The following KCTD2 variants were observed in gnomAD, a reference collection of about 807,000 sequenced individuals.
The protein encoded by KCTD2 is potassium channel tetramerization domain containing 2, also known as BTB/POZ domain-containing protein KCTD2.
In KCTD2, 18 loss-of-function variants were observed where a neutral mutation model predicts 27.9. The observed-to-expected ratio is 0.64, with a 90% confidence interval of 0.45 to 0.96. The LOEUF (loss-of-function observed/expected upper bound fraction) is 0.96. KCTD2 is among the 40% of genes least tolerant of loss of function. KCTD2 has a pLI of 0.00. For synonymous variants in KCTD2, 175 were observed against 148.4 expected (o/e 1.18, Z -1.30); for missense variants, 280 against 348.0 (o/e 0.80, Z 1.56).
intron 3 of KCTD2, among the ~76,000 whole-genome samples, chr17:75,053,857 G>GTTTTTTTT (rs1567992373): frequency 5.0e-5 from 4 of 79,530 alleles, no homozygotes; most frequent in African/African-American, 3.3e-4. Flanking sequence ...TGTGAACCAT[G>GTTTTTTTT]CTTTTTTTTT....
At chr17:75,062,994 C>T (rs201925883) in intron 5 of KCTD2, 24 bp from the exon 6 acceptor site, 2 of 1,613,742 alleles carry the variant, frequency 1.2e-6, no homozygotes, top group Non-Finnish European at 1.7e-6. Context: ...CAGCCTCAGC[C>T]TCTCCCCCAT....
At position 75,047,507 on chromosome 17, in the gene KCTD2, C is replaced by T; in HGVS notation, c.257C>T (p.Thr86Ile). 1.2e-6 allele frequency: 2 copies of T among 1,610,426 alleles called. No homozygotes were observed. Among genetic ancestry groups the T allele is most frequent in the Non-Finnish European group, 1.7e-6 (2 of 1,179,116 alleles). Residue 86 changes from threonine to isoleucine, a missense_variant, in exon 1 of 6, where the codon ACC becomes ATC. By Grantham distance (89) the Thr-to-Ile change is moderately conservative (BLOSUM62 -1). Coordinates refer to ENST00000322444, the MANE Select transcript of KCTD2 (RefSeq NM_015353.3). ...GTGGGAGGCACCTACTTCGTGACCA[C>T]CAGACAGACCTTAGGCCGGGAGCCC... ...LNVGGTYFVT[T>I]RQTLGREPKS...
Position 75,047,475 on chromosome 17 carries a change from G to T in KCTD2, c.225G>T (p.Arg75Ser). 1 of 1,592,006 alleles carries T rather than the reference G, an allele frequency of 6.3e-7. No individual in the cohort carries two copies. Among genetic ancestry groups the T allele is most frequent in the Non-Finnish European group, 8.5e-7 (1 of 1,171,144 alleles). Residue 75 changes from arginine (R) to serine (S), a missense_variant, in exon 1 of 6, where the codon AGG becomes AGT. Coordinates refer to ENST00000322444, the MANE Select transcript of KCTD2 (RefSeq NM_015353.3). The stretch of plus-strand genomic sequence containing the variant: ...GCGGCGGCGCGGCCCGCTGGGTCAG[G>T]CTGAACGTGGGAGGCACCTACTTCG... The part of the protein sequence containing the change: ...AGGGGAARWV[R>S]LNVGGTYFVT...
chr17:75,036,156 C>T, intron 3 of KCTD2: 1 of 399,500 alleles, frequency 2.5e-6, no homozygotes, highest in Non-Finnish European at 5.1e-6. Context: ...TGGGTTCACG[C>T]CATTCTCCTG....
intron 3 of KCTD2, among the ~76,000 whole-genome samples, chr17:75,035,545 G>C (rs974447777): frequency 1.3e-5 from 2 of 151,902 alleles, no homozygotes; most frequent in African/African-American, 4.9e-5. Context: ...CTCTGGCCGG[G>C]CCCAATGGCT....
chr17:75,034,515 C>A (rs777577285), intron 2 of KCTD2, among the ~76,000 whole-genome samples: 6 of 152,156 alleles, frequency 3.9e-5, no homozygotes, highest in African/African-American at 1.4e-4. Flanking sequence ...CGGTAAGACG[C>A]TAAACCCACG....
At chr17:75,044,239 C>G (rs1403805664), upstream of KCTD2, among the ~76,000 whole-genome samples, 114 of 91,030 alleles carry the variant, frequency 1.3e-3, no homozygotes, top group African/African-American at 4.7e-3. Flanking sequence ...CGCTCTGTCG[C>G]CCAGGCCGGA....
chr17:75,034,543 TC>T (rs1401599314), intron 2 of KCTD2, among the ~76,000 whole-genome samples: 1 of 152,126 alleles, frequency 6.6e-6, no homozygotes, highest in Non-Finnish European at 1.5e-5. Context: ...TGATAGGTGT[TC>T]AACCATAGTG....
intron 5 of KCTD2, 79 bp downstream of exon 5, chr17:75,062,324 C>G (rs942182125): frequency 7.2e-5 from 99 of 1,383,494 alleles, no homozygotes; most frequent in Non-Finnish European, 9.2e-5. Context: ...TGAACTCTTG[C>G]TCCTCACTTC....
intron 1 of KCTD2, chr17:75,048,945 C>T: frequency 3.6e-6 from 1 of 278,508 alleles, no homozygotes; most frequent in Non-Finnish European, 6.7e-6. Flanking sequence ...GCAAAGATTG[C>T]AAATTCCAGC....
At chr17:75,034,661 G>A (rs772335746) in intron 2 of KCTD2, among the ~76,000 whole-genome samples, 1 of 152,186 alleles carries the variant, frequency 6.6e-6, no homozygotes, top group African/African-American at 2.4e-5. Context: ...GGCTACACAA[G>A]AGCTCCATGC....
At chr17:75,038,812 C>G (rs1233116380) in intron 3 of KCTD2, 2 of 1,231,520 alleles carry the variant, frequency 1.6e-6, no homozygotes, top group African/African-American at 3.1e-5. Context: ...GAGGCCAGCT[C>G]AGAAGAGAGG....
At chr17:75,059,412 C>A in intron 3 of KCTD2, 98 bp from the exon 4 acceptor site, 1 of 647,102 alleles carries the variant, frequency 1.5e-6, no homozygotes, top group Non-Finnish European at 2.5e-6. Flanking sequence ...TCCAAGCAAA[C>A]TCCTTTTCAG....
chr17:75,040,965 C>T (rs974647069), intron 3 of KCTD2: 1 of 151,692 alleles, frequency 6.6e-6, no homozygotes, highest in African/African-American at 2.4e-5. Context: ...CCTCCATACA[C>T]ATCTTTGAAT....
In KCTD2 at chr17:75,062,100, C is replaced by T. The variant is rs1234462166; in HGVS notation, c.637-20C>T. 1 of 1,613,530 alleles carries T rather than the reference C, an allele frequency of 6.2e-7. No homozygotes were observed. Among genetic ancestry groups the T allele is most frequent in the South Asian group, 1.1e-5 (1 of 90,980 alleles). On this transcript the variant is annotated intron_variant, in intron 4 of 5. Transcript: ENST00000322444. ...GTTAAGATTGCCACATGAATGTTCA[C>T]TGTATTCTTGGTTCATCAGCTCATC...
At chr17:75,042,932 G>C (rs376976639), upstream of KCTD2, among the ~76,000 whole-genome samples, 48 of 152,232 alleles carry the variant, frequency 3.2e-4, no homozygotes, top group African/African-American at 1.1e-3. Context: ...GGTAATTCAA[G>C]GTGTGCGGCC....
rs2073440056 is a variant in KCTD2 at position 75,064,742 on chromosome 17, C to T, written c.*1695C>T. ...TCCTCAGTAAAAGCAGCCACCCCTT[C>T]AAGAGTCACAGGCATCCATCCAGTC... is the stretch of plus-strand genomic sequence containing the variant. On this transcript the variant is annotated 3_prime_UTR_variant, in exon 6 of 6. Coordinates refer to ENST00000322444, the MANE Select transcript of KCTD2 (RefSeq NM_015353.3). 1 of 152,124 alleles carries T rather than the reference C, an allele frequency of 6.6e-6. No individual in the cohort carries two copies. Among genetic ancestry groups the T allele is most frequent in the South Asian group, 2.1e-4 (1 of 4,826 alleles). The allele number at this position is 152,124 out of a possible 1,614,324, so 9.4% of individuals were successfully genotyped here. A position where few individuals can be genotyped will look rare whatever the true frequency, so the allele number is the denominator to read the frequency against.
chr17:75,040,230 G>A (rs527262008), intron 3 of KCTD2: 10 of 1,586,058 alleles, frequency 6.3e-6, no homozygotes, highest in East Asian at 2.2e-5. Flanking sequence ...GTGAGTCGTC[G>A]CCAATACACC....
chr17:75,056,687 C>G (rs2073353124), intron 3 of KCTD2, among the ~76,000 whole-genome samples: 1 of 152,176 alleles, frequency 6.6e-6, no homozygotes, highest in Non-Finnish European at 1.5e-5. Context: ...AAGACACCCT[C>G]TTTTATACTT....
Sources: allele counts gnomAD v4.1 joint callset (sites outside exome capture counted in the v4.1 genomes callset), GRCh38; gene constraint gnomAD v4.1.1; transcripts MANE v1.5; gene names NCBI Gene and HGNC (gene_info 2026-07-23, HGNC 2026-07-21).